FCHO2: variants seen among roughly 807,000 people sequenced by gnomAD.
FCHO2 encodes F-BAR domain only protein 2.
FCHO2 carries 43 observed loss-of-function variants against 114.1 expected under a neutral mutation model. That is an observed-to-expected ratio of 0.38 (90% confidence interval 0.30 to 0.49). FCHO2 has a LOEUF of 0.49. Among genes scored for constraint, FCHO2 ranks in the 20% least tolerant of loss-of-function variants. The pLI, the probability that FCHO2 is intolerant of heterozygous loss-of-function variation, is 0.97. For synonymous variants in FCHO2, 293 were observed against 315.2 expected, an observed-to-expected ratio of 0.93 and a Z score of 0.75; for missense variants, 807 against 950.4, an observed-to-expected ratio of 0.85 and a Z score of 1.98.
At chr5:73,009,789 G>A (rs554542893) in intron 6 of FCHO2, among the ~76,000 whole-genome samples, 1 of 152,114 alleles carries the variant, frequency 6.6e-6, no homozygotes, top group African/African-American at 2.4e-5. Flanking sequence ...TGTCCAACTC[G>A]GCCTCCCAAA....
intron 19 of FCHO2, among the ~76,000 whole-genome samples, chr5:73,069,549 G>A (rs950756140): frequency 3.9e-5 from 6 of 151,932 alleles, no homozygotes; most frequent in Non-Finnish European, 8.8e-5. Context: ...TAGGGTTCTC[G>A]CTCCTATGAG....
At chr5:73,073,641 A>G (rs551531711) in intron 19 of FCHO2, among the ~76,000 whole-genome samples, 10 of 152,158 alleles carry the variant, frequency 6.6e-5, no homozygotes, top group African/African-American at 2.4e-4. Context: ...ATCTTTTTTC[A>G]CTATTTATAG....
At position 72,979,378 on chromosome 5, in the gene FCHO2, C is replaced by CTTTTTTTTT. The variant is rs60234739; in HGVS notation, c.126-10026_126-10018dup. ...TATGTGTCCAGGAATTTATCAATTT[C>CTTTTTTTTT]TTTTTTTTTTTTTTTTTTTTTTTTT... On this transcript the variant is annotated intron_variant, in intron 2 of 25. Transcript: ENST00000430046. Among the ~76,000 whole-genome samples the CTTTTTTTTT allele has an allele frequency of 7.6e-4, 38 of 49,794 alleles. 9 individuals are homozygous for CTTTTTTTTT. The highest frequency in any genetic ancestry group is 3.3e-3 in the South Asian group (3 of 914). 32.7% of individuals were successfully genotyped at this position (49,794 alleles called of 152,430 possible).
At chr5:73,070,324 T>TAA (rs1475748686) in intron 19 of FCHO2, among the ~76,000 whole-genome samples, 2 of 152,164 alleles carry the variant, frequency 1.3e-5, no homozygotes, top group East Asian at 3.9e-4. Flanking sequence ...TCTAAATGTC[T>TAA]AAACATGATG....
intron 14 of FCHO2, 87 bp downstream of exon 14, chr5:73,054,258 A>G: frequency 8.3e-7 from 1 of 1,201,472 alleles, no homozygotes; most frequent in South Asian, 1.6e-5. Context: ...TTTGTATTAA[A>G]TTTTTAGATT....
intron 24 of FCHO2, among the ~76,000 whole-genome samples, chr5:73,083,892 C>CAAAA (rs765390330): frequency 1.3e-5 from 1 of 79,280 alleles, no homozygotes; most frequent in Admixed American, 1.5e-4. Flanking sequence ...GACTCTGTCT[C>CAAAA]AAAAAAAAAA....
chr5:73,022,955 ATT>A (rs571869107), intron 8 of FCHO2, among the ~76,000 whole-genome samples: 29 of 148,930 alleles, frequency 1.9e-4, no homozygotes, highest in African/African-American at 6.1e-4. Context: ...AGTAGAACTT[ATT>A]TTTTTTTTGT....
At position 73,017,252 on chromosome 5, in the gene FCHO2, T is replaced by G. The variant is rs143520046; in HGVS notation, c.740T>G (p.Val247Gly). 1.3e-6 allele frequency: 2 copies of G among 1,563,044 alleles called. No homozygotes were observed. The highest frequency in any genetic ancestry group is 1.7e-6 in the Non-Finnish European group (2 of 1,152,844). Residue 247 changes from valine (V) to glycine (G), a missense_variant, in exon 8 of 26, where the codon GTT becomes GGT. By Grantham distance (109) the Val-to-Gly change is moderately radical. Transcript: ENST00000430046. ...ATAAATAACATGGCTAATACTACAG[T>G]TGAAAGTTTGATACAAAAATTTGCT... ...EFINNMANTT[V>G]ESLIQKFAES...
At chr5:73,067,410 G>T (rs1742407821) in intron 18 of FCHO2, among the ~76,000 whole-genome samples, 1 of 151,918 alleles carries the variant, frequency 6.6e-6, no homozygotes, top group Non-Finnish European at 1.5e-5. Context: ...TGCATTTTTA[G>T]CATCCTGCTG....
rs775417681 is a variant in FCHO2 at position 73,034,717 on chromosome 5, A to G, written c.841+16A>G. 3 of 1,576,370 alleles carry G rather than the reference A, an allele frequency of 1.9e-6. No homozygotes were observed. The highest frequency in any genetic ancestry group is 1.7e-6 in the Non-Finnish European group (2 of 1,164,226). ...GCAGTTGAAGGTAAGTTGATTAGTT[A>G]TAATATGTTAATGCACATGGCAGCT... is the stretch of plus-strand genomic sequence containing the variant. On this transcript the variant is annotated intron_variant, in intron 9 of 25. Transcript: ENST00000430046.
intron 1 of FCHO2, among the ~76,000 whole-genome samples, chr5:72,961,064 G>T (rs926965706): frequency 6.6e-5 from 10 of 151,884 alleles, no homozygotes; most frequent in Non-Finnish European, 1.5e-4. Context: ...GATTTTATTG[G>T]TTTTGTTACA....
chr5:72,983,992 A>G (rs991255227), intron 2 of FCHO2, among the ~76,000 whole-genome samples: 15 of 152,106 alleles, frequency 9.9e-5, no homozygotes, highest in Non-Finnish European at 1.8e-4. Flanking sequence ...ATCAGTTTAC[A>G]CCACCTTCCA....
At chr5:73,026,712 A>C (rs529269414) in intron 8 of FCHO2, among the ~76,000 whole-genome samples, 1 of 151,848 alleles carries the variant, frequency 6.6e-6, no homozygotes, top group Admixed American at 6.6e-5. Context: ...TTTTTTTGAG[A>C]CAGAGTCTCA....
chr5:73,006,003 T>A (rs1226873789), intron 5 of FCHO2, among the ~76,000 whole-genome samples: 2 of 152,194 alleles, frequency 1.3e-5, no homozygotes, highest in Non-Finnish European at 2.9e-5. Flanking sequence ...AGACATTGAA[T>A]GAAATATATG....
chr5:72,963,902 GTTTTTTTTTT>G lies in FCHO2; in HGVS notation c.34-4578_34-4569del, dbSNP rs70973214. Among the ~76,000 whole-genome samples, 276 of 95,724 alleles carry G rather than the reference GTTTTTTTTTT, an allele frequency of 2.9e-3. 2 individuals carry two copies. Among genetic ancestry groups the G allele is most frequent in the African/African-American group, 0.01 (249 of 23,884 alleles). The allele number at this position is 95,724 out of a possible 152,430, so 62.8% of individuals were successfully genotyped here. A position where few individuals can be genotyped will look rare whatever the true frequency, so the allele number is the denominator to read the frequency against. On this transcript the variant is annotated intron_variant, in intron 1 of 25. Transcript: ENST00000430046. ...TTCCCATTTTGTATGGGAACTTTCAGTTTTTTTTTTTTTTTTTTTTTTTTTTTGTTTATGA... is the reference window on the plus strand; with the variant it reads ...TTCCCATTTTGTATGGGAACTTTCAGTTTTTTTTTTTTTTTTTGTTTATGA...
intron 22 of FCHO2, among the ~76,000 whole-genome samples, chr5:73,081,173 A>C (rs2112893462): frequency 6.6e-6 from 1 of 152,266 alleles, no homozygotes; most frequent in South Asian, 2.1e-4. Context: ...AAAAGTATAG[A>C]CTAAGGTAAG....
intron 8 of FCHO2, among the ~76,000 whole-genome samples, chr5:73,030,885 G>A (rs1008539567): frequency 4.6e-5 from 7 of 152,218 alleles, no homozygotes; most frequent in African/African-American, 1.7e-4. Flanking sequence ...TACTCCTGAA[G>A]TGAAGTGTCA....
At chr5:72,967,376 C>G (rs1280551606) in intron 1 of FCHO2, among the ~76,000 whole-genome samples, 2 of 152,222 alleles carry the variant, frequency 1.3e-5, no homozygotes. Flanking sequence ...TCTCCCTTCT[C>G]AGGTTAAGTT....
At chr5:72,977,606 G>T (rs564419720) in intron 2 of FCHO2, among the ~76,000 whole-genome samples, 1 of 152,294 alleles carries the variant, frequency 6.6e-6, no homozygotes, top group East Asian at 1.9e-4. Context: ...TTGCTGTGCA[G>T]AAGCTCTTTA....
Sources: gnomAD v4.1 joint callset for allele counts (sites outside exome capture counted in the v4.1 genomes callset) on GRCh38, gnomAD v4.1.1 for gene constraint, MANE v1.5 for transcripts, NCBI Gene and HGNC (gene_info 2026-07-23, HGNC 2026-07-21) for gene names.